The following GALC variants were observed in gnomAD, a reference collection of about 807,000 sequenced individuals.
GALC encodes galactocerebrosidase.
Under a neutral mutation model 91.8 loss-of-function variants are expected in GALC, and 77 were observed. That is an observed-to-expected ratio of 0.84 (90% CI 0.70 to 1.01). The LOEUF is 1.01. GALC is among the 50% of genes least tolerant of loss of function. The pLI is 0.00. For synonymous variants in GALC, 357 were observed against 306.7 expected (o/e 1.16, Z -1.71); for missense variants, 882 against 855.9 (o/e 1.03, Z -0.38).
rs143309984 is a variant in GALC, at chr14:87,966,571, T to A, written c.909-942A>T. On this transcript the variant is annotated intron_variant, in intron 8 of 16. Transcript: ENST00000261304. ...TTCTATCAGTACAAAGTAGAAATAA[T>A]AGTCCTAATTTTCAAAACACCTTAC... 2.8e-3 allele frequency among the ~76,000 whole-genome samples: 431 copies of A among 152,290 alleles called. 3 individuals are homozygous for A. Among genetic ancestry groups the A allele is most frequent in the African/African-American group, 9.8e-3 (409 of 41,578 alleles).
chr14:87,980,941 T>C (rs561146694), intron 6 of GALC, among the ~76,000 whole-genome samples: 3 of 152,124 alleles, frequency 2.0e-5, no homozygotes, highest in Non-Finnish European at 2.9e-5. Flanking sequence ...TCAAAGAAAA[T>C]TTTTTTCTAT....
At position 87,954,059 on chromosome 14, in the gene GALC, A is replaced by G. The variant is rs1381513891; in HGVS notation, c.1162-3311T>C. The G allele has an allele frequency of 5.6e-6, 9 of 1,609,776 alleles. No individual in the cohort carries two copies. In the African/African-American group the frequency reaches 8.0e-5, roughly 14 times the overall value. ...AATGGGTTGGCGAGACAGTACTACA[A>G]TCAACATTTAGCAGTCAGTTATTAA... On this transcript the variant is annotated intron_variant, in intron 10 of 16. Coordinates refer to ENST00000261304, the MANE Select transcript of GALC (RefSeq NM_000153.4).
intron 4 of GALC, among the ~76,000 whole-genome samples, chr14:87,986,060 T>C (rs1336282162): frequency 6.6e-6 from 1 of 152,236 alleles, no homozygotes; most frequent in Non-Finnish European, 1.5e-5. Flanking sequence ...ACTAGTTAGG[T>C]GTACTACTGC....
At position 87,974,165 on chromosome 14, in the gene GALC, G is replaced by A. The variant is rs182223049; in HGVS notation, c.752+2193C>T. 7.2e-3 allele frequency among the ~76,000 whole-genome samples: 1,101 copies of A among 151,940 alleles called. 9 individuals carry two copies. Among genetic ancestry groups the A allele is most frequent in the Non-Finnish European group, 0.011 (765 of 67,970 alleles). ...CATTAAAATATAAAGATTTTCAGAG[G>A]AACTTTAAAAAAGCAAAATCTAACT... On this transcript the variant is annotated intron_variant, in intron 7 of 16. Coordinates refer to ENST00000261304, the MANE Select transcript of GALC (RefSeq NM_000153.4).
At chr14:87,990,830 A>T (rs56150647) in intron 1 of GALC, among the ~76,000 whole-genome samples, 17,209 of 152,268 alleles carry the variant, frequency 0.11, 1,144 homozygotes, top group Non-Finnish European at 0.16. Flanking sequence ...ATAGCAAATC[A>T]CGGGATTACT....
intron 5 of GALC, among the ~76,000 whole-genome samples, chr14:87,982,533 C>A (rs940829416): frequency 6.6e-6 from 1 of 152,146 alleles, no homozygotes; most frequent in African/African-American, 2.4e-5. Context: ...TCATTCAACA[C>A]ATACTGACAG....
intron 16 of GALC, among the ~76,000 whole-genome samples, chr14:87,938,366 G>T (rs932114311): frequency 4.6e-5 from 7 of 151,956 alleles, no homozygotes; most frequent in Non-Finnish European, 4.4e-5. Flanking sequence ...CTATCAGGTG[G>T]TCAGGTAAGA....
chr14:87,964,539 T>C (rs1376662514), intron 9 of GALC, among the ~76,000 whole-genome samples: 3 of 152,138 alleles, frequency 2.0e-5, no homozygotes, highest in Non-Finnish European at 4.4e-5. Context: ...TAATCACTAT[T>C]AGTATGGTTA....
Position 87,941,518 on chromosome 14 carries a change from G to A in GALC, c.1711C>T (p.Pro571Ser), listed in dbSNP as rs1437141914. Residue 571 changes from proline to serine, a missense_variant, in exon 15 of 17, where the codon CCT (proline) becomes TCT (serine). Physicochemically the swap from Pro to Ser is moderately conservative, Grantham distance 74. Transcript: ENST00000261304. The part of the protein sequence containing the change: ...TIKCDVYIET[P>S]DTGGVFIAGR... ...GCAATGAACACACCTCCTGTGTCAG[G>A]GGTCTCTATGTATACATCACACTTT... 2 of 1,593,750 alleles carry A rather than the reference G, an allele frequency of 1.3e-6. No homozygotes were observed. Among genetic ancestry groups the A allele is most frequent in the Non-Finnish European group, 8.6e-7 (1 of 1,161,894 alleles).
chr14:87,967,053 G>A (rs758740515), intron 8 of GALC, among the ~76,000 whole-genome samples: 17 of 152,148 alleles, frequency 1.1e-4, no homozygotes, highest in Non-Finnish European at 2.2e-4. Context: ...GTATAACAAC[G>A]AGTGTCTCGG....
intron 10 of GALC, among the ~76,000 whole-genome samples, chr14:87,957,058 A>G (rs1432409432): frequency 6.6e-6 from 1 of 151,990 alleles, no homozygotes; most frequent in African/African-American, 2.4e-5. Context: ...GGCTATAGAC[A>G]TATCTTCTTT....
In GALC at chr14:87,988,497, G is replaced by A. The variant is rs959445153; in HGVS notation, c.222C>T (p.Tyr74=). 3 of 1,611,138 alleles carry A rather than the reference G, an allele frequency of 1.9e-6. No homozygotes were observed. The highest frequency in any genetic ancestry group is 2.5e-6 in the Non-Finnish European group (3 of 1,177,378). ...GGATSRLLVN[Y]PEPYRSQILD... is the part of the protein sequence containing the mutation. ...ATATCTGAGAACGATAGGGCTCTGGGTAATTTACTAGAAGTCGGGAGGTTG... is the reference window on the plus strand; with the variant it reads ...ATATCTGAGAACGATAGGGCTCTGGATAATTTACTAGAAGTCGGGAGGTTG... Residue 74 remains tyrosine, a synonymous_variant, in exon 2 of 17, where the codon TAC becomes TAT. Coordinates refer to ENST00000261304, the MANE Select transcript of GALC (RefSeq NM_000153.4).
Position 87,968,504 on chromosome 14 carries a change from G to C in GALC, c.753-14C>G, listed in dbSNP as rs779576298. 3 of 1,612,326 alleles carry C rather than the reference G, an allele frequency of 1.9e-6. No individual in the cohort carries two copies. The highest frequency in any genetic ancestry group is 2.5e-6 in the Non-Finnish European group (3 of 1,178,554). Reference sequence around the variant, plus strand: ...GGATAATGAGCCCTAGAAAAAAAAAGGGTGGAAGTCAATGAAAAAAGGTCA... The same window carrying C: ...GGATAATGAGCCCTAGAAAAAAAAACGGTGGAAGTCAATGAAAAAAGGTCA... On this transcript the variant is annotated splice_polypyrimidine_tract_variant and intron_variant, in intron 7 of 16. Transcript: ENST00000261304.
At chr14:87,986,668 T>TGGGCC in intron 3 of GALC, 66 bp from the exon 4 acceptor site, 1 of 903,020 alleles carries the variant, frequency 1.1e-6, no homozygotes, top group African/African-American at 1.6e-5. Flanking sequence ...ACCATCTCAC[T>TGGGCC]CCCCACCCCC....
chr14:87,949,815 C>T (rs757141121), intron 12 of GALC, 30 bp downstream of exon 12: 2 of 1,129,082 alleles, frequency 1.8e-6, no homozygotes, highest in South Asian at 1.2e-5. Context: ...GTTGGAATAC[C>T]CAAAATATAA....
At chr14:87,951,841 G>A (rs1885321349) in intron 10 of GALC, among the ~76,000 whole-genome samples, 1 of 151,840 alleles carries the variant, frequency 6.6e-6, no homozygotes, top group African/African-American at 2.4e-5. Flanking sequence ...CAATACTTAG[G>A]AGGACATTTA....
chr14:87,993,512 C>G (rs1217665661), upstream of GALC: 3 of 1,523,210 alleles, frequency 2.0e-6, no homozygotes, highest in Non-Finnish European at 2.6e-6. Flanking sequence ...CAGGGAGTAT[C>G]TACCTCGTGC....
intron 5 of GALC, among the ~76,000 whole-genome samples, chr14:87,983,941 T>C (rs1886856461): frequency 2.6e-5 from 4 of 152,170 alleles, no homozygotes; most frequent in South Asian, 2.1e-4. Flanking sequence ...ATCCTCAATA[T>C]TGCCTTTTGG....
At chr14:87,936,473 GC>G (rs950930145) in intron 16 of GALC, among the ~76,000 whole-genome samples, 31 of 151,334 alleles carry the variant, frequency 2.0e-4, no homozygotes, top group African/African-American at 7.3e-4. Flanking sequence ...CATTACAATA[GC>G]CGAACTGGGT....
Sources: allele counts gnomAD v4.1 joint callset (sites outside exome capture counted in the v4.1 genomes callset), GRCh38; gene constraint gnomAD v4.1.1; transcripts MANE v1.5; gene names NCBI Gene and HGNC (gene_info 2026-07-23, HGNC 2026-07-21).